The following DNAJC7 variants were observed in gnomAD, a reference collection of about 807,000 sequenced individuals.
The protein encoded by DNAJC7 is DnaJ heat shock protein family (Hsp40) member C7.
Under a neutral mutation model 67.4 loss-of-function variants are expected in DNAJC7, and 18 were observed. The ratio of observed to expected loss-of-function variants is 0.27; its 90% CI spans 0.18 to 0.40. The LOEUF is 0.40. DNAJC7 is among the 10% of genes least tolerant of loss of function. The pLI, the probability that DNAJC7 is intolerant of heterozygous loss-of-function variation, is 1.00. For missense variants in DNAJC7, 419 were observed against 613.8 expected, an observed-to-expected ratio of 0.68 and a Z score of 3.35; for synonymous variants, 220 against 207.8, an observed-to-expected ratio of 1.06 and a Z score of -0.50.
intron 12 of DNAJC7, among the ~76,000 whole-genome samples, chr17:41,978,628 G>A (rs1354500272): frequency 6.6e-6 from 1 of 152,194 alleles, no homozygotes; most frequent in Non-Finnish European, 1.5e-5. Context: ...GGGAGGCCAA[G>A]GTGGGTGGAT....
chr17:41,977,025 T>TA lies in DNAJC7; in HGVS notation c.1447+235dup, dbSNP rs372435817. ...CAGAGAAGCCTTGGTACTAGGCAGTTAGAGATGCCTCCCTGACCCTGCAGA... is the reference window on the plus strand; with the variant it reads ...CAGAGAAGCCTTGGTACTAGGCAGTTAAGAGATGCCTCCCTGACCCTGCAGA... On this transcript the variant is annotated intron_variant, in intron 13 of 13. Coordinates refer to ENST00000457167, the MANE Select transcript of DNAJC7 (RefSeq NM_003315.4). 2.1e-4 allele frequency: 137 copies of TA among 639,150 alleles called. No individual in the cohort carries two copies. The African/African-American group carries it at 2.2e-3, about 10-fold the overall frequency. 39.6% of individuals were successfully genotyped at this position (639,150 alleles called of 1,614,324 possible).
chr17:41,976,831 T>C (rs2051094942), intron 13 of DNAJC7, 61 bp from the exon 14 acceptor site: 3 of 1,586,524 alleles, frequency 1.9e-6, no homozygotes, highest in Admixed American at 1.9e-5. Flanking sequence ...ATCACTTTGC[T>C]CTGATTATGG....
At chr17:41,983,507 T>C in intron 10 of DNAJC7, 56 bp downstream of exon 10, 1 of 1,457,824 alleles carries the variant, frequency 6.9e-7, no homozygotes, top group Non-Finnish European at 9.4e-7. Flanking sequence ...TGTGTACAGA[T>C]TTATGGCCTA....
intron 5 of DNAJC7, among the ~76,000 whole-genome samples, chr17:41,992,395 A>T (rs2051532098): frequency 6.6e-6 from 1 of 151,938 alleles, no homozygotes; most frequent in South Asian, 2.1e-4. Context: ...GCTGGTCTCT[A>T]ACTCCCGACC....
chr17:41,997,051 CG>C (rs1567963842), intron 3 of DNAJC7, 63 bp downstream of exon 3: 2 of 1,605,254 alleles, frequency 1.2e-6, no homozygotes, highest in Non-Finnish European at 8.5e-7. Context: ...TTGAGAAATA[CG>C]GGGCTAGAGA....
At chr17:42,015,031 GTGCAA>G (rs2052227554) in intron 1 of DNAJC7, 1 of 152,042 alleles carries the variant, frequency 6.6e-6, no homozygotes, top group Non-Finnish European at 1.5e-5. Context: ...CCAGGCTGGA[GTGCAA>G]TGGCCCGATC....
chr17:41,980,960 A>G (rs1458350242), intron 12 of DNAJC7, among the ~76,000 whole-genome samples: 1 of 151,882 alleles, frequency 6.6e-6, no homozygotes, highest in Non-Finnish European at 1.5e-5. Context: ...GCCTTCCACC[A>G]CCACCTGCCT....
chr17:42,008,351 T>G (rs1555650620), intron 1 of DNAJC7, among the ~76,000 whole-genome samples: 1 of 151,188 alleles, frequency 6.6e-6, no homozygotes, highest in Admixed American at 6.6e-5. Flanking sequence ...ACAAGTGAAA[T>G]GTCAATATAA....
Position 42,017,416 on chromosome 17 carries a change from TC to T in DNAJC7, c.-1del. On this transcript the variant is annotated 5_prime_UTR_variant, in exon 1 of 14. Coordinates refer to ENST00000457167, the MANE Select transcript of DNAJC7 (RefSeq NM_003315.4). Reference sequence around the variant, plus strand: ...ACATCGCACTCCGCGGCAGCCGCCATCTTACCGCCGGGACCAGAGAGCTGGG... The same window carrying T: ...ACATCGCACTCCGCGGCAGCCGCCATTTACCGCCGGGACCAGAGAGCTGGG... The T allele has an allele frequency of 2.5e-6, 4 of 1,607,060 alleles. No homozygotes were observed. The highest frequency in any genetic ancestry group is 3.4e-6 in the Non-Finnish European group (4 of 1,179,830).
chr17:41,977,683 A>G (rs1270724364), intron 12 of DNAJC7: 5 of 178,334 alleles, frequency 2.8e-5, no homozygotes, highest in African/African-American at 7.1e-5. Flanking sequence ...GCTACTAAAA[A>G]GGATAAAATG....
chr17:42,016,874 C>G, intron 1 of DNAJC7: 4 of 885,602 alleles, frequency 4.5e-6, no homozygotes, highest in Non-Finnish European at 4.2e-6. Flanking sequence ...CGAACCCAGA[C>G]TAGTGATCGC....
At chr17:41,987,561 A>T (rs2051415210) in intron 9 of DNAJC7, 1 of 455,232 alleles carries the variant, frequency 2.2e-6, no homozygotes, top group African/African-American at 2.0e-5. Context: ...TAACAAAAGG[A>T]ATTTGGGTCA....
At chr17:42,017,226 T>C in intron 1 of DNAJC7, 114 bp downstream of exon 1, 2 of 1,597,984 alleles carry the variant, frequency 1.3e-6, no homozygotes, top group Non-Finnish European at 1.7e-6. Context: ...GGGGGGGTGT[T>C]TGCGGAGGGC....
At chr17:41,999,862 A>G (rs1334812593) in intron 2 of DNAJC7, among the ~76,000 whole-genome samples, 4 of 149,648 alleles carry the variant, frequency 2.7e-5, no homozygotes, top group African/African-American at 9.9e-5. Context: ...TTTGTTGCCC[A>G]GGTTGGAGTG....
At position 41,997,167 on chromosome 17, in the gene DNAJC7, T is replaced by C; in HGVS notation, c.239A>G (p.Glu80Gly). The C allele has an allele frequency of 6.2e-7, 1 of 1,613,928 alleles. No homozygotes were observed. The highest frequency in any genetic ancestry group is 8.5e-7 in the Non-Finnish European group (1 of 1,179,860). The change falls in exon 3 of 14, where the codon GAA (glutamate) becomes GGA (glycine). Residue 80 changes from glutamate to glycine, a missense_variant. By Grantham distance (98) the Glu-to-Gly change is moderately conservative. Coordinates refer to ENST00000457167, the MANE Select transcript of DNAJC7 (RefSeq NM_003315.4). ...TGACTGTTGTGCATCTCCAAGAGCT[T>C]CCCGGAACCTTCCAAGCATCATCAA... ...ATLMMLGRFR[E>G]ALGDAQQSVR...
At chr17:42,005,174 T>G (rs201061279) in intron 1 of DNAJC7, among the ~76,000 whole-genome samples, 2 of 152,238 alleles carry the variant, frequency 1.3e-5, no homozygotes, top group Admixed American at 1.3e-4. Flanking sequence ...CACTAATTAC[T>G]CCAACAAACA....
chr17:42,017,071 G>A, intron 1 of DNAJC7: 1 of 1,385,046 alleles, frequency 7.2e-7, no homozygotes, highest in Non-Finnish European at 9.4e-7. Context: ...TGCCCTCGGA[G>A]ACTCGGCCTC....
chr17:41,994,253 T>C (rs1353030408), intron 5 of DNAJC7, among the ~76,000 whole-genome samples: 1 of 151,934 alleles, frequency 6.6e-6, no homozygotes, highest in Non-Finnish European at 1.5e-5. Context: ...GGAGAATCGC[T>C]TGAACCCGGG....
At chr17:41,977,667 G>T in intron 12 of DNAJC7, 1 of 189,966 alleles carries the variant, frequency 5.3e-6, no homozygotes, top group Non-Finnish European at 1.1e-5. Flanking sequence ...CTATAATGCT[G>T]GAGCGGCTAC....
Sources: gnomAD v4.1 joint callset for allele counts (sites outside exome capture counted in the v4.1 genomes callset) on GRCh38, gnomAD v4.1.1 for gene constraint, MANE v1.5 for transcripts, NCBI Gene and HGNC (gene_info 2026-07-23, HGNC 2026-07-21) for gene names.